NMNAT1: variants seen among roughly 807,000 people sequenced by gnomAD.
The protein encoded by NMNAT1 is nicotinamide/nicotinic acid mononucleotide adenylyltransferase 1.
A neutral mutation model predicts 16.7 loss-of-function variants in NMNAT1; 11 were observed. The ratio of observed to expected loss-of-function variants is 0.66; its 90% CI spans 0.41 to 1.09. The LOEUF (loss-of-function observed/expected upper bound fraction) is 1.09, where lower values mean the gene tolerates loss of function less well. NMNAT1 is among the 50% of genes least tolerant of loss of function. NMNAT1 has a pLI of 0.00. For synonymous variants in NMNAT1, 110 were observed against 119.8 expected (o/e 0.92, Z 0.53); for missense variants, 280 against 332.3 (o/e 0.84, Z 1.22).
At chr1:9,967,355 A>G (rs904961692) in intron 1 of NMNAT1, 2 of 154,092 alleles carry the variant, frequency 1.3e-5, no homozygotes, top group African/African-American at 2.4e-5. Flanking sequence ...TATCAAACTT[A>G]CTTGATCTCC....
chr1:9,965,370 A>C (rs1436724694), intron 1 of NMNAT1, among the ~76,000 whole-genome samples: 1 of 150,438 alleles, frequency 6.6e-6, no homozygotes, highest in Non-Finnish European at 1.5e-5. Flanking sequence ...CATTCTTTGG[A>C]TATATAAGAA....
At chr1:9,996,796 G>A in the NMNAT1 span, among the ~76,000 whole-genome samples, 1 of 152,092 alleles carries the variant, frequency 6.6e-6, no homozygotes, top group East Asian at 1.9e-4. Context: ...ACCGAGGTGC[G>A]AATCACTGTG....
At chr1:9,972,277 G>T in intron 2 of NMNAT1, 89 bp downstream of exon 2, 1 of 720,592 alleles carries the variant, frequency 1.4e-6, no homozygotes, top group South Asian at 1.6e-5. Flanking sequence ...TTGGGAGGCT[G>T]AGACGGGCAG....
intron 1 of NMNAT1, among the ~76,000 whole-genome samples, chr1:9,964,805 C>T (rs954169696): frequency 5.3e-5 from 8 of 149,656 alleles, no homozygotes; most frequent in African/African-American, 2.0e-4. Context: ...AAAAATTGGC[C>T]AGCATGGTGA....
intron 1 of NMNAT1, among the ~76,000 whole-genome samples, chr1:9,952,009 C>G (rs916585637): frequency 8.6e-5 from 13 of 152,022 alleles, no homozygotes; most frequent in Admixed American, 2.0e-4. Context: ...TAAGATAAGC[C>G]TTTAGAAATT....
chr1:9,973,168 G>A (rs1284757461), intron 2 of NMNAT1, among the ~76,000 whole-genome samples: 2 of 152,032 alleles, frequency 1.3e-5, no homozygotes, highest in East Asian at 3.9e-4. Context: ...CCAGGCTGGA[G>A]TGCAGTGGCG....
intron 1 of NMNAT1, among the ~76,000 whole-genome samples, chr1:9,969,479 A>C (rs1557468205): frequency 6.6e-6 from 1 of 152,154 alleles, no homozygotes; most frequent in Non-Finnish European, 1.5e-5. Flanking sequence ...TCTAAATAAT[A>C]GACATTTTCA....
At position 9,982,632 on chromosome 1, in the gene NMNAT1, G is replaced by C. The variant is rs371462284; in HGVS notation, c.771G>C (p.Glu257Asp). The change falls in exon 5 of 5, where the codon GAG (glutamate) becomes GAC (aspartate). Residue 257 changes from glutamate to aspartate, a missense_variant. Transcript: ENST00000377205. ...AAAAGCATAATTTGTACAGCTCTGA[G>C]AGTGAAGACAGGAATGCTGGGGTCA... ...YIEKHNLYSS[E>D]SEDRNAGVIL... 2 of 1,614,062 alleles carry C rather than the reference G, an allele frequency of 1.2e-6. No individual in the cohort carries two copies. Among genetic ancestry groups the C allele is most frequent in the African/African-American group, 1.3e-5 (1 of 74,934 alleles).
intron 1 of NMNAT1, among the ~76,000 whole-genome samples, chr1:9,952,819 G>A (rs144232466): frequency 1.3e-5 from 2 of 152,146 alleles, no homozygotes; most frequent in East Asian, 1.9e-4. Context: ...GATTATAGGC[G>A]TGAGCCACCA....
the NMNAT1 span, among the ~76,000 whole-genome samples, chr1:9,996,348 C>G: frequency 6.6e-6 from 1 of 151,420 alleles, no homozygotes; most frequent in Non-Finnish European, 1.5e-5. Context: ...GAGTGAGACT[C>G]TGTCTCAAAA....
chr1:9,956,871 G>A (rs10864440), intron 1 of NMNAT1, among the ~76,000 whole-genome samples: 146,306 of 151,736 alleles, frequency 0.96, 70,750 homozygotes, highest in East Asian at 1. Context: ...ATCTAGGATT[G>A]CAGGCACATG....
At position 9,982,914 on chromosome 1, in the gene NMNAT1, T is replaced by C; in HGVS notation, c.*213T>C. ...CGGGGTCAAGAGATCGAGACCATCC[T>C]GGCCAATATGGTGAAACCCCATCTC... On this transcript the variant is annotated 3_prime_UTR_variant, in exon 5 of 5. Transcript: ENST00000377205. 1 of 438,814 alleles carries C rather than the reference T, an allele frequency of 2.3e-6. No individual in the cohort carries two copies. Among genetic ancestry groups the C allele is most frequent in the Non-Finnish European group, 4.1e-6 (1 of 242,386 alleles). The allele number at this position is 438,814 out of a possible 1,614,324, so 27.2% of individuals were successfully genotyped here.
intron 1 of NMNAT1, chr1:9,951,312 G>A (rs1261267372): frequency 6.6e-6 from 1 of 152,172 alleles, no homozygotes; most frequent in Non-Finnish European, 1.5e-5. Flanking sequence ...ATTTGAGAGA[G>A]AAAAGGTGCT....
At chr1:9,966,327 T>C (rs1047166148) in intron 1 of NMNAT1, among the ~76,000 whole-genome samples, 5 of 142,254 alleles carry the variant, frequency 3.5e-5, no homozygotes, top group Non-Finnish European at 6.2e-5. Flanking sequence ...TTATAAATAT[T>C]ATTGACCGGG....
At position 9,972,167 on chromosome 1, in the gene NMNAT1, A is replaced by G. The variant is rs2101693191; in HGVS notation, c.94A>G (p.Lys32Glu). 1.2e-6 allele frequency: 2 copies of G among 1,607,902 alleles called. No individual in the cohort carries two copies. The highest frequency in any genetic ancestry group is 1.1e-5 in the South Asian group (1 of 90,972). Residue 32 changes from lysine (K) to glutamate (E), a missense_variant, in exon 2 of 5, where the codon AAG (lysine) becomes GAG (glutamate). Coordinates refer to ENST00000377205, the MANE Select transcript of NMNAT1 (RefSeq NM_022787.4). ...NMHLRLFELA[K>E]DYMNGTGRYT... The stretch of plus-strand genomic sequence containing the variant: ...GCACCTCAGGTTGTTTGAGCTGGCC[A>G]AGGACTACATGAATGGAACAGGTAG...
At chr1:9,963,173 G>A (rs1434358035) in intron 1 of NMNAT1, among the ~76,000 whole-genome samples, 2 of 152,028 alleles carry the variant, frequency 1.3e-5, no homozygotes, top group Non-Finnish European at 2.9e-5. Flanking sequence ...CTTGGTGAGA[G>A]AGCTTAAGAG....
chr1:9,967,082 G>A (rs1481764258), intron 1 of NMNAT1, among the ~76,000 whole-genome samples: 1 of 151,892 alleles, frequency 6.6e-6, no homozygotes, highest in East Asian at 1.9e-4. Flanking sequence ...AAATTAGCTG[G>A]GCATGTTGGC....
At chr1:9,958,984 C>T (rs1641335820) in intron 1 of NMNAT1, among the ~76,000 whole-genome samples, 1 of 152,120 alleles carries the variant, frequency 6.6e-6, no homozygotes, top group African/African-American at 2.4e-5. Flanking sequence ...GTTAATCTAC[C>T]TACCACAACT....
chr1:9,944,058 G>T (rs1453879806), intron 1 of NMNAT1, among the ~76,000 whole-genome samples: 2 of 151,912 alleles, frequency 1.3e-5, no homozygotes, highest in Non-Finnish European at 2.9e-5. Context: ...TTCGAGACCA[G>T]CCTGGCCAAC....
Sources: gnomAD v4.1 joint callset for allele counts (sites outside exome capture counted in the v4.1 genomes callset) on GRCh38, gnomAD v4.1.1 for gene constraint, MANE v1.5 for transcripts, NCBI Gene and HGNC (gene_info 2026-07-23, HGNC 2026-07-21) for gene names.